Variants in UBAP1 observed in about 807,000 individuals in gnomAD.
UBAP1 encodes ubiquitin associated protein 1.
A neutral mutation model predicts 39.0 loss-of-function variants in UBAP1; 5 were observed. The observed-to-expected ratio is 0.13, with a 90% confidence interval of 0.07 to 0.27. The LOEUF (loss-of-function observed/expected upper bound fraction) is 0.27. Ranked by LOEUF, UBAP1 falls within the 10% of genes least tolerant of loss-of-function variation. The pLI is 1.00. For synonymous variants in UBAP1, 211 were observed against 225.1 expected (o/e 0.94, Z 0.56); for missense variants, 490 against 608.1 (o/e 0.81, Z 2.04).
At chr9:34,247,264 A>T (rs1464949210) in intron 4 of UBAP1, among the ~76,000 whole-genome samples, 1 of 152,122 alleles carries the variant, frequency 6.6e-6, no homozygotes, top group Non-Finnish European at 1.5e-5. Flanking sequence ...ATTTATATGA[A>T]GGTGACATCT....
At chr9:34,227,789 C>T (rs1045267825) in intron 2 of UBAP1, among the ~76,000 whole-genome samples, 2 of 152,152 alleles carry the variant, frequency 1.3e-5, no homozygotes, top group Non-Finnish European at 2.9e-5. Context: ...GTAATAAGGA[C>T]TGAAACTAAA....
At chr9:34,183,453 G>T (rs1243878645) in intron 1 of UBAP1, among the ~76,000 whole-genome samples, 2 of 151,380 alleles carry the variant, frequency 1.3e-5, no homozygotes, top group Non-Finnish European at 2.9e-5. Flanking sequence ...GCTGAGGCAG[G>T]AGAATGGCGT....
intron 1 of UBAP1, among the ~76,000 whole-genome samples, chr9:34,207,823 T>C (rs972663971): frequency 1.3e-5 from 2 of 152,188 alleles, no homozygotes; most frequent in African/African-American, 2.4e-5. Flanking sequence ...ATATTAATTT[T>C]GTATCCAGAA....
intron 1 of UBAP1, among the ~76,000 whole-genome samples, chr9:34,189,280 C>T (rs192629204): frequency 3.1e-4 from 47 of 151,838 alleles, no homozygotes; most frequent in African/African-American, 1.1e-3. Flanking sequence ...CCTCCTCCTC[C>T]AGGGTTCAAG....
intron 1 of UBAP1, among the ~76,000 whole-genome samples, chr9:34,212,425 A>ACACACACACACACT (rs397894815): frequency 7.2e-6 from 1 of 139,178 alleles, no homozygotes; most frequent in Non-Finnish European, 1.6e-5. Context: ...ACACACACAC[A>ACACACACACACACT]CTTATAGTTA....
intron 2 of UBAP1, among the ~76,000 whole-genome samples, chr9:34,221,254 G>A (rs1463375618): frequency 2.0e-5 from 3 of 152,140 alleles, no homozygotes; most frequent in African/African-American, 7.2e-5. Context: ...TACTGGCTGG[G>A]CGCGGTGGTT....
intron 2 of UBAP1, among the ~76,000 whole-genome samples, chr9:34,228,670 A>G (rs1030329487): frequency 7.4e-5 from 11 of 149,158 alleles, no homozygotes; most frequent in African/African-American, 2.2e-4. Context: ...CCTGGGTTCA[A>G]GTGATCCTCC....
chr9:34,248,672 G>A lies in UBAP1; in HGVS notation c.1084-1107G>A, dbSNP rs116247144. On this transcript the variant is annotated intron_variant, in intron 4 of 6. Transcript: ENST00000297661. ...TGTGTGCTGTGGGTGAGATGGTTAA[G>A]CACCAACAGAATGGGCTCTGAGGCC... Among the ~76,000 whole-genome samples the A allele has an allele frequency of 3.5e-3, 527 of 152,290 alleles. 6 individuals carry two copies. Among genetic ancestry groups the A allele is most frequent in the African/African-American group, 0.012 (508 of 41,548 alleles).
chr9:34,192,515 CAAAA>C (rs4008753), intron 1 of UBAP1, among the ~76,000 whole-genome samples: 11 of 107,484 alleles, frequency 1.0e-4, no homozygotes, highest in East Asian at 2.4e-4. Context: ...GACTCCATCT[CAAAA>C]AAAAAAAAAA....
In UBAP1 at chr9:34,241,952, T is replaced by A. The variant is rs772231694; in HGVS notation, c.927T>A (p.Ser309Arg). Residue 309 changes from serine to arginine, a missense_variant, in exon 4 of 7, where the codon AGT (serine) becomes AGA (arginine). Ser to Arg is a moderately radical substitution (Grantham distance 110). Coordinates refer to ENST00000297661, the MANE Select transcript of UBAP1 (RefSeq NM_016525.5). ...QNSLKPSTQSSASELNGHHTL... is the reference protein window; with the variant it reads ...QNSLKPSTQSRASELNGHHTL... The stretch of plus-strand genomic sequence containing the variant: ...CCCTAAAGCCTTCCACCCAAAGCAG[T>A]GCCAGTGAGCTCAATGGGCATCACA... 2 of 1,614,174 alleles carry A rather than the reference T, an allele frequency of 1.2e-6. No homozygotes were observed. Among genetic ancestry groups the A allele is most frequent in the Non-Finnish European group, 1.7e-6 (2 of 1,180,026 alleles).
intron 1 of UBAP1, among the ~76,000 whole-genome samples, chr9:34,205,877 A>G (rs1476705347): frequency 6.6e-6 from 1 of 152,208 alleles, no homozygotes; most frequent in African/African-American, 2.4e-5. Flanking sequence ...CTGTAGTCCC[A>G]GCTACTCAGG....
chr9:34,227,571 A>G (rs144776209), intron 2 of UBAP1, among the ~76,000 whole-genome samples: 15 of 152,332 alleles, frequency 9.8e-5, no homozygotes, highest in Non-Finnish European at 1.9e-4. Flanking sequence ...CATATCAGCA[A>G]TTTAGAAAGA....
chr9:34,198,435 AG>A (rs1831183641), intron 1 of UBAP1, among the ~76,000 whole-genome samples: 1 of 151,912 alleles, frequency 6.6e-6, no homozygotes, highest in Non-Finnish European at 1.5e-5. Flanking sequence ...GGTCCTGTGG[AG>A]TTGGAGTTTC....
intron 1 of UBAP1, among the ~76,000 whole-genome samples, chr9:34,209,467 T>C (rs968439889): frequency 3.3e-5 from 5 of 152,234 alleles, no homozygotes; most frequent in Non-Finnish European, 7.3e-5. Context: ...TGAGTGGTAA[T>C]GCTATGTTAT....
At chr9:34,216,152 G>C (rs1832300436) in intron 1 of UBAP1, among the ~76,000 whole-genome samples, 1 of 127,860 alleles carries the variant, frequency 7.8e-6, no homozygotes, top group East Asian at 4.8e-4. Context: ...CTCTCCTCTG[G>C]AGCACCTCTC....
chr9:34,192,423 G>C (rs980026060), intron 1 of UBAP1, among the ~76,000 whole-genome samples: 5 of 149,970 alleles, frequency 3.3e-5, no homozygotes, highest in African/African-American at 7.4e-5. Context: ...GCTGAGACAG[G>C]AGAATCACTT....
intron 1 of UBAP1, among the ~76,000 whole-genome samples, chr9:34,219,202 C>T (rs538874087): frequency 6.6e-6 from 1 of 152,004 alleles, no homozygotes; most frequent in East Asian, 1.9e-4. Context: ...GATTCTCCTA[C>T]CTCAGCCTCC....
At chr9:34,186,584 G>A (rs540126458) in intron 1 of UBAP1, among the ~76,000 whole-genome samples, 1 of 151,822 alleles carries the variant, frequency 6.6e-6, no homozygotes, top group East Asian at 1.9e-4. Context: ...GTTTGAAATT[G>A]TATCTATAGT....
At chr9:34,230,910 G>A (rs1833371687) in intron 2 of UBAP1, among the ~76,000 whole-genome samples, 1 of 152,016 alleles carries the variant, frequency 6.6e-6, no homozygotes, top group South Asian at 2.1e-4. Context: ...GGGTGTGATA[G>A]CTCATGCTTG....
Sources: allele counts gnomAD v4.1 joint callset (sites outside exome capture counted in the v4.1 genomes callset), GRCh38; gene constraint gnomAD v4.1.1; transcripts MANE v1.5; gene names NCBI Gene and HGNC (gene_info 2026-07-23, HGNC 2026-07-21).